The following SNAP23 variants were observed in gnomAD, a reference collection of about 807,000 sequenced individuals.
SNAP23 encodes synaptosome associated protein 23, also known as synaptosomal-associated protein 23.
A neutral mutation model predicts 29.0 loss-of-function variants in SNAP23; 11 were observed. The observed-to-expected ratio is 0.38, with a 90% CI of 0.24 to 0.63. The LOEUF (loss-of-function observed/expected upper bound fraction) is 0.63. SNAP23 is among the 20% of genes least tolerant of loss of function. The pLI, the probability that SNAP23 is intolerant of heterozygous loss-of-function variation, is 0.58. For missense variants in SNAP23, 220 were observed against 253.9 expected, an observed-to-expected ratio of 0.87 and a Z score of 0.91; for synonymous variants, 60 against 82.9, an observed-to-expected ratio of 0.72 and a Z score of 1.50.
chr15:42,497,839 T>C (rs1256392920), intron 1 of SNAP23, among the ~76,000 whole-genome samples: 1 of 152,226 alleles, frequency 6.6e-6, no homozygotes, highest in Non-Finnish European at 1.5e-5. Flanking sequence ...AAAGATGCTA[T>C]GGGGGAATAG....
At chr15:42,508,175 G>T (rs980085207) in intron 1 of SNAP23, among the ~76,000 whole-genome samples, 4 of 151,190 alleles carry the variant, frequency 2.6e-5, no homozygotes, top group African/African-American at 9.8e-5. Flanking sequence ...TAAATGGGAG[G>T]ATTGCTTGAG....
At chr15:42,522,989 C>G (rs1161211758) in intron 5 of SNAP23, among the ~76,000 whole-genome samples, 1 of 151,468 alleles carries the variant, frequency 6.6e-6, no homozygotes, top group Non-Finnish European at 1.5e-5. Flanking sequence ...GGATTACAAG[C>G]GTGCGCCACC....
intron 1 of SNAP23, chr15:42,496,035 C>T (rs113063586): frequency 1.3e-5 from 2 of 152,332 alleles, no homozygotes; most frequent in Admixed American, 6.5e-5. Flanking sequence ...TGTATGGTGA[C>T]CACAGTGATC....
At chr15:42,505,851 T>C (rs989125888) in intron 1 of SNAP23, among the ~76,000 whole-genome samples, 2 of 151,366 alleles carry the variant, frequency 1.3e-5, no homozygotes, top group African/African-American at 2.4e-5. Context: ...CCACCGCACC[T>C]GGCCTCTTGC....
At chr15:42,491,901 TTTAGTTAG>T (rs11281244), upstream of SNAP23, among the ~76,000 whole-genome samples, 1 of 146,862 alleles carries the variant, frequency 6.8e-6, no homozygotes, top group Non-Finnish European at 1.5e-5. Flanking sequence ...TATTTATTTA[TTTAGTTAG>T]TTAGTTAGTT....
At chr15:42,509,144 T>G (rs2057338644) in intron 1 of SNAP23, among the ~76,000 whole-genome samples, 3 of 152,086 alleles carry the variant, frequency 2.0e-5, no homozygotes, top group Admixed American at 2.0e-4. Context: ...GTACAAAAAA[T>G]AATCTCCATT....
Position 42,531,496 on chromosome 15 carries a change from T to C in SNAP23, c.*18T>C, listed in dbSNP as rs775807926. 2 of 1,582,548 alleles carry C rather than the reference T, an allele frequency of 1.3e-6. No individual in the cohort carries two copies. The highest frequency in any genetic ancestry group is 2.3e-5 in the South Asian group (2 of 87,334). On this transcript the variant is annotated 3_prime_UTR_variant, in exon 8 of 8. Coordinates refer to ENST00000249647, the MANE Select transcript of SNAP23 (RefSeq NM_003825.4). ...ACAGCTAAAGCTACTGCTGTTCTTC[T>C]TTATCATTTATTCACTTCCGTAGCT...
chr15:42,532,849 T>C lies in SNAP23; in HGVS notation c.*1371T>C, dbSNP rs1479785235. On this transcript the variant is annotated 3_prime_UTR_variant, in exon 8 of 8. Coordinates refer to ENST00000249647, the MANE Select transcript of SNAP23 (RefSeq NM_003825.4). ...AAAAATTATGCCTCTGGTTTAATTA[T>C]TGGTGATTACACACTCTTTCTCTTA... 1 of 152,638 alleles carries C rather than the reference T, an allele frequency of 6.6e-6. No individual in the cohort carries two copies. Among genetic ancestry groups the C allele is most frequent in the African/African-American group, 2.4e-5 (1 of 41,448 alleles). The allele number at this position is 152,638 out of a possible 1,614,324, so 9.5% of individuals were successfully genotyped here.
chr15:42,523,806 TTTTG>T (rs144295533), intron 5 of SNAP23, among the ~76,000 whole-genome samples: 74 of 151,850 alleles, frequency 4.9e-4, no homozygotes, highest in East Asian at 1.4e-3. Flanking sequence ...GTTTTTTGTT[TTTTG>T]TTTGTTTGTT....
chr15:42,493,983 C>T (rs1484077454), upstream of SNAP23, among the ~76,000 whole-genome samples: 2 of 152,122 alleles, frequency 1.3e-5, no homozygotes, highest in African/African-American at 2.4e-5. Context: ...CGAACTGCCT[C>T]TAAACTGCCT....
At chr15:42,513,813 G>T (rs1028390903) in intron 4 of SNAP23, among the ~76,000 whole-genome samples, 3 of 151,214 alleles carry the variant, frequency 2.0e-5, no homozygotes, top group Non-Finnish European at 1.5e-5. Context: ...CGCTATTTTT[G>T]TCTAGTTTTG....
chr15:42,523,789 CTTTTTTGTTTTTTG>C (rs541632087), intron 5 of SNAP23, among the ~76,000 whole-genome samples: 1 of 151,758 alleles, frequency 6.6e-6, no homozygotes, highest in Non-Finnish European at 1.5e-5. Flanking sequence ...AATGCTGTTA[CTTTTTTGTTTTTTG>C]TTTTTTGTTT....
At chr15:42,531,342 C>G (rs1335164006) in intron 7 of SNAP23, 71 bp from the exon 8 acceptor site, 2 of 1,046,102 alleles carry the variant, frequency 1.9e-6, no homozygotes, top group East Asian at 5.5e-5. Context: ...GTCAGTTACT[C>G]CAAGTGTAAA....
intron 5 of SNAP23, among the ~76,000 whole-genome samples, chr15:42,516,044 A>G (rs988947593): frequency 6.6e-6 from 1 of 151,704 alleles, no homozygotes; most frequent in African/African-American, 2.4e-5. Flanking sequence ...AGAAGTGGAA[A>G]GTAAGATATA....
At chr15:42,512,904 A>G in intron 2 of SNAP23, 51 bp from the exon 3 acceptor site, 1 of 1,411,966 alleles carries the variant, frequency 7.1e-7, no homozygotes, top group Admixed American at 1.8e-5. Context: ...CTGTGATCAG[A>G]TTTTTTTTTC....
chr15:42,495,087 A>C (rs2057205326), upstream of SNAP23, among the ~76,000 whole-genome samples: 2 of 152,148 alleles, frequency 1.3e-5, no homozygotes, highest in Non-Finnish European at 2.9e-5. Context: ...AATTTCCAGA[A>C]GGCGTTATGC....
intron 5 of SNAP23, among the ~76,000 whole-genome samples, chr15:42,527,188 C>T (rs1434907534): frequency 1.3e-5 from 2 of 152,100 alleles, no homozygotes; most frequent in African/African-American, 4.8e-5. Flanking sequence ...TCCTACACTA[C>T]AGGATTTATG....
chr15:42,521,396 A>C (rs1450079578), intron 5 of SNAP23: 2 of 950,096 alleles, frequency 2.1e-6, no homozygotes, highest in African/African-American at 3.5e-5. Flanking sequence ...TTCTGAGGAA[A>C]AATGAAATGT....
At chr15:42,518,565 A>G (rs2057417449) in intron 5 of SNAP23, among the ~76,000 whole-genome samples, 1 of 150,640 alleles carries the variant, frequency 6.6e-6, no homozygotes, top group Non-Finnish European at 1.5e-5. Flanking sequence ...GATTACAGGC[A>G]CATGCCACCA....
Sources: allele counts gnomAD v4.1 joint callset (sites outside exome capture counted in the v4.1 genomes callset), GRCh38; gene constraint gnomAD v4.1.1; transcripts MANE v1.5; gene names NCBI Gene and HGNC (gene_info 2026-07-23, HGNC 2026-07-21).